RIMS2: variants seen among roughly 807,000 people sequenced by gnomAD.
The protein encoded by RIMS2 is regulating synaptic membrane exocytosis 2.
In RIMS2, 59 loss-of-function variants were observed where a neutral mutation model predicts 174.4. The observed-to-expected ratio is 0.34, with a 90% confidence interval of 0.27 to 0.42. RIMS2 has a LOEUF of 0.42. Ranked by LOEUF, RIMS2 falls within the 10% of genes least tolerant of loss-of-function variation. The pLI is 1.00. For missense variants in RIMS2, 1,620 were observed against 1,666.3 expected (o/e 0.97, Z 0.48); for synonymous variants, 606 against 572.5 (o/e 1.06, Z -0.84).
intron 1 of RIMS2, among the ~76,000 whole-genome samples, chr8:103,533,747 C>A (rs1424013276): frequency 6.7e-6 from 1 of 148,962 alleles, no homozygotes; most frequent in Non-Finnish European, 1.5e-5. Flanking sequence ...CTTAGTTGGA[C>A]AACTTTTCAA....
intron 3 of RIMS2, among the ~76,000 whole-genome samples, chr8:103,868,909 G>A (rs2099096450): frequency 6.6e-6 from 1 of 151,850 alleles, no homozygotes; most frequent in African/African-American, 2.4e-5. Context: ...TATTAATTTG[G>A]CATATATGTT....
chr8:103,608,862 C>T (rs983260904), intron 1 of RIMS2, among the ~76,000 whole-genome samples: 1 of 151,664 alleles, frequency 6.6e-6, no homozygotes, highest in Non-Finnish European at 1.5e-5. Context: ...GCGCACGGTG[C>T]ACGCACCCAC....
intron 1 of RIMS2, among the ~76,000 whole-genome samples, chr8:103,589,763 GA>G (rs1430364490): frequency 6.6e-6 from 1 of 151,492 alleles, no homozygotes; most frequent in East Asian, 1.9e-4. Flanking sequence ...AAAAGAATGA[GA>G]TTTACTCATT....
chr8:103,640,472 G>T (rs1244341481), intron 1 of RIMS2, among the ~76,000 whole-genome samples: 4 of 151,730 alleles, frequency 2.6e-5, no homozygotes, highest in Admixed American at 2.6e-4. Flanking sequence ...ATTAATTGTA[G>T]ATATGTCTTA....
chr8:104,012,727 C>G (rs530533626), intron 17 of RIMS2, among the ~76,000 whole-genome samples: 1 of 152,226 alleles, frequency 6.6e-6, no homozygotes, highest in African/African-American at 2.4e-5. Context: ...TTTAAGGATA[C>G]TTCCTTCAAC....
intron 18 of RIMS2, 72 bp from the exon 21 acceptor site, chr8:104,014,434 A>G (rs1022344648): frequency 2.4e-6 from 2 of 831,974 alleles, no homozygotes; most frequent in Non-Finnish European, 3.9e-6. Flanking sequence ...CAGCTATCAT[A>G]TGAACCAAAT....
intron 17 of RIMS2, among the ~76,000 whole-genome samples, chr8:103,994,050 CAAAAA>C (rs536495624): frequency 1.1e-5 from 1 of 88,308 alleles, no homozygotes. Flanking sequence ...GACCCTGTCT[CAAAAA>C]AAAAAAAAAA....
intron 4 of RIMS2, among the ~76,000 whole-genome samples, chr8:103,894,171 C>T (rs920118532): frequency 6.8e-6 from 1 of 146,332 alleles, no homozygotes; most frequent in African/African-American, 2.5e-5. Context: ...TTAAGAGAAA[C>T]TTATACTGTG....
chr8:103,983,948 C>A (rs1223102288), intron 16 of RIMS2, among the ~76,000 whole-genome samples: 2 of 151,852 alleles, frequency 1.3e-5, no homozygotes, highest in Non-Finnish European at 2.9e-5. Flanking sequence ...CCAAGGCGGG[C>A]GGATCACGAG....
chr8:103,750,686 A>G (rs189970261), intron 2 of RIMS2, among the ~76,000 whole-genome samples: 1 of 152,160 alleles, frequency 6.6e-6, no homozygotes, highest in African/African-American at 2.4e-5. Context: ...TGATGGTTTT[A>G]TAGGTGTCTG....
intron 10 of RIMS2, among the ~76,000 whole-genome samples, chr8:103,926,359 C>T (rs1477065079): frequency 6.6e-6 from 1 of 151,540 alleles, no homozygotes; most frequent in Non-Finnish European, 1.5e-5. Context: ...ACATCAGTAA[C>T]ACACTCCACA....
intron 19 of RIMS2, chr8:104,094,639 A>G: frequency 1.4e-6 from 1 of 702,202 alleles, no homozygotes; most frequent in Non-Finnish European, 2.6e-6. Flanking sequence ...GGAGACGAGG[A>G]AAAAACACAA....
chr8:103,669,577 G>C (rs777553501), intron 1 of RIMS2, among the ~76,000 whole-genome samples: 12 of 152,190 alleles, frequency 7.9e-5, no homozygotes, highest in Non-Finnish European at 1.6e-4. Flanking sequence ...TGGGAGTATA[G>C]GCATTGGATA....
chr8:103,659,833 A>G (rs1308690907), intron 1 of RIMS2, among the ~76,000 whole-genome samples: 1 of 152,210 alleles, frequency 6.6e-6, no homozygotes, highest in East Asian at 1.9e-4. Context: ...TGGCAGTGGC[A>G]CTTCCAAAAA....
intron 19 of RIMS2, among the ~76,000 whole-genome samples, chr8:104,185,931 T>C (rs2098965627): frequency 6.6e-6 from 1 of 151,710 alleles, no homozygotes; most frequent in Non-Finnish European, 1.5e-5. Context: ...CCTGTACCCA[T>C]ATGTTTATCA....
intron 14 of RIMS2, among the ~76,000 whole-genome samples, chr8:103,950,399 C>G (rs1300227143): frequency 6.6e-6 from 1 of 151,894 alleles, no homozygotes. Context: ...AATAAAAATA[C>G]AGAAAATTGA....
chr8:103,571,806 C>T (rs1296764971), intron 1 of RIMS2, among the ~76,000 whole-genome samples: 1 of 152,162 alleles, frequency 6.6e-6, no homozygotes, highest in Non-Finnish European at 1.5e-5. Flanking sequence ...CCATTGGTCT[C>T]TTGGTTCTGT....
intron 19 of RIMS2, among the ~76,000 whole-genome samples, chr8:104,070,396 A>C (rs1042684730): frequency 8.5e-5 from 13 of 152,250 alleles, no homozygotes; most frequent in African/African-American, 3.1e-4. Context: ...CTAAATTTCT[A>C]GAACTTTTTC....
At chr8:103,959,351 C>T (rs1001615496) in intron 14 of RIMS2, among the ~76,000 whole-genome samples, 1 of 151,912 alleles carries the variant, frequency 6.6e-6, no homozygotes, top group Non-Finnish European at 1.5e-5. Flanking sequence ...TTTTTATACT[C>T]TGCTTTCTGT....
Sources: gnomAD v4.1 joint callset for allele counts (sites outside exome capture counted in the v4.1 genomes callset) on GRCh38, gnomAD v4.1.1 for gene constraint, MANE v1.5 for transcripts, NCBI Gene and HGNC (gene_info 2026-07-23, HGNC 2026-07-21) for gene names.